UBE2G2: variants seen among roughly 807,000 people sequenced by gnomAD.
The protein encoded by UBE2G2 is ubiquitin-conjugating enzyme E2 G2.
A neutral mutation model predicts 23.0 loss-of-function variants in UBE2G2; 10 were observed. The ratio of observed to expected loss-of-function variants is 0.43; its 90% CI spans 0.27 to 0.74. The LOEUF (loss-of-function observed/expected upper bound fraction) is 0.74, where lower values mean the gene tolerates loss of function less well. Ranked by LOEUF, UBE2G2 falls within the 30% of genes least tolerant of loss-of-function variation. The probability of loss-of-function intolerance (pLI) is 0.19; values close to 1 mark genes in which losing one functional copy is unlikely to be tolerated. For missense variants in UBE2G2, 150 were observed against 218.3 expected (o/e 0.69, Z 1.97); for synonymous variants, 86 against 81.3 (o/e 1.06, Z -0.31).
At chr21:44,773,479 CG>C (rs2056649482) in intron 5 of UBE2G2, 67 bp downstream of exon 5, 2 of 1,533,074 alleles carry the variant, frequency 1.3e-6, no homozygotes, top group African/African-American at 2.7e-5. Flanking sequence ...GACAGGATGA[CG>C]CAAGGCTGGA....
intron 3 of UBE2G2, among the ~76,000 whole-genome samples, chr21:44,777,765 G>T (rs2294158): frequency 6.6e-6 from 1 of 151,926 alleles, no homozygotes; most frequent in Non-Finnish European, 1.5e-5. Context: ...CCAAGATCTC[G>T]CCACCGCACT....
intron 3 of UBE2G2, among the ~76,000 whole-genome samples, chr21:44,785,196 C>T (rs2082985923): frequency 6.6e-6 from 1 of 152,200 alleles, no homozygotes; most frequent in African/African-American, 2.4e-5. Context: ...GCAGGCCATG[C>T]TAGCACCCAC....
chr21:44,780,616 T>C (rs118000716), intron 3 of UBE2G2, among the ~76,000 whole-genome samples: 3,436 of 152,304 alleles, frequency 0.023, 61 homozygotes, highest in Non-Finnish European at 0.036. Flanking sequence ...GGAGGCACGC[T>C]TGCAACAGCT....
rs1162302167 is a variant in UBE2G2 at position 44,773,575 on chromosome 21, G to T, written c.357C>A (p.Ile119=). The T allele has an allele frequency of 6.2e-7, 1 of 1,610,658 alleles. No homozygotes were observed. The highest frequency in any genetic ancestry group is 8.5e-7 in the Non-Finnish European group (1 of 1,179,916). The stretch of plus-strand genomic sequence containing the variant: ...CCAGCATGCTCACCACCGACAGCAG[G>T]ATCTTCTCCACACTCTGCACAGGAC... The part of the protein sequence containing the change: ...RWSPVQSVEK[I]LLSVVSMLAE... The change falls in exon 5 of 6, where the codon ATC becomes ATA. Residue 119 remains isoleucine, a synonymous_variant. Transcript: ENST00000345496.
chr21:44,781,332 C>T (rs2082954476), intron 3 of UBE2G2, among the ~76,000 whole-genome samples: 2 of 152,284 alleles, frequency 1.3e-5, no homozygotes, highest in East Asian at 3.9e-4. Flanking sequence ...CATGAGGGCT[C>T]CCGGCATCTG....
chr21:44,773,736 C>G, intron 4 of UBE2G2, 49 bp from the exon 5 acceptor site: 1 of 1,592,572 alleles, frequency 6.3e-7, no homozygotes, highest in South Asian at 1.1e-5. Flanking sequence ...GTGCCCGAGG[C>G]ATCGCCGCGC....
At chr21:44,778,062 T>C (rs1402920409) in intron 3 of UBE2G2, among the ~76,000 whole-genome samples, 9 of 152,180 alleles carry the variant, frequency 5.9e-5, no homozygotes, top group Non-Finnish European at 1.5e-5. Context: ...TGCTCTAAGA[T>C]CTGGGAGTTT....
rs1424371828 is a variant in UBE2G2 at position 44,770,124 on chromosome 21, C to T, written c.*1253G>A. The T allele has an allele frequency of 6.6e-6, 1 of 152,234 alleles. No homozygotes were observed. Among genetic ancestry groups the T allele is most frequent in the African/African-American group, 2.4e-5 (1 of 41,452 alleles). 9.4% of individuals were successfully genotyped at this position (152,234 alleles called of 1,614,324 possible). A position where few individuals can be genotyped will look rare whatever the true frequency, so the allele number is the denominator to read the frequency against. On this transcript the variant is annotated 3_prime_UTR_variant, in exon 6 of 6. Transcript: ENST00000345496. ...CCCAGTCAAGTGTGGGGATAAGGCA[C>T]TCCTCTGTGCTCTGAGCTAAGATAT... is the stretch of plus-strand genomic sequence containing the variant.
intron 3 of UBE2G2, among the ~76,000 whole-genome samples, chr21:44,784,574 G>A (rs566243682): frequency 6.6e-6 from 1 of 152,228 alleles, no homozygotes; most frequent in Admixed American, 6.5e-5. Flanking sequence ...ATACTGCCAA[G>A]AGATGCCCTG....
chr21:44,801,769 G>C lies in UBE2G2; in HGVS notation c.-21C>G, dbSNP rs1171128812. The C allele has an allele frequency of 4.6e-6, 7 of 1,512,520 alleles. No individual in the cohort carries two copies. The highest frequency in any genetic ancestry group is 1.7e-4 in the Middle Eastern group (1 of 5,786). The allele number at this position is 1,512,520 out of a possible 1,614,324, so 93.7% of individuals were successfully genotyped here. Reference sequence around the variant, plus strand: ...GCCATGGCCCCGCAACAGCTGCGCCGAGCGACCTCGCCTCAGCCGCGCGCG... The same window carrying C: ...GCCATGGCCCCGCAACAGCTGCGCCCAGCGACCTCGCCTCAGCCGCGCGCG... On this transcript the variant is annotated 5_prime_UTR_variant, in exon 1 of 6. Coordinates refer to ENST00000345496, the MANE Select transcript of UBE2G2 (RefSeq NM_003343.6).
At chr21:44,787,755 G>A (rs897576167) in intron 3 of UBE2G2, among the ~76,000 whole-genome samples, 165 bp downstream of exon 3, 6 of 152,192 alleles carry the variant, frequency 3.9e-5, no homozygotes, top group Admixed American at 3.9e-4. Flanking sequence ...TCAATGCTCA[G>A]GTTCTCTGCT....
At chr21:44,773,435 A>C in intron 5 of UBE2G2, 112 bp downstream of exon 5, 1 of 1,370,012 alleles carries the variant, frequency 7.3e-7, no homozygotes, top group Non-Finnish European at 9.7e-7. Context: ...AGCATGTGTA[A>C]ACTAACTGCA....
chr21:44,800,184 A>T (rs2083123863), intron 1 of UBE2G2: 1 of 150,250 alleles, frequency 6.7e-6, no homozygotes, highest in Admixed American at 6.6e-5. Flanking sequence ...TGCTTGTAAA[A>T]AACTTGTAAA....
intron 5 of UBE2G2, among the ~76,000 whole-genome samples, chr21:44,773,113 G>C (rs1290618232): frequency 1.3e-5 from 2 of 152,036 alleles, no homozygotes; most frequent in African/African-American, 4.8e-5. Context: ...GCCCCACCAG[G>C]AAGTGGCCCG....
At chr21:44,790,653 C>T (rs2083036111) in intron 1 of UBE2G2, among the ~76,000 whole-genome samples, 1 of 152,200 alleles carries the variant, frequency 6.6e-6, no homozygotes, top group Non-Finnish European at 1.5e-5. Flanking sequence ...AAGGTGCTTG[C>T]TTCCCCTTCG....
At chr21:44,777,634 C>T (rs1555960767) in intron 3 of UBE2G2, among the ~76,000 whole-genome samples, 1 of 151,552 alleles carries the variant, frequency 6.6e-6, no homozygotes, top group Non-Finnish European at 1.5e-5. Context: ...ATGGTGAAAC[C>T]CTGTCTCTAC....
intron 3 of UBE2G2, among the ~76,000 whole-genome samples, chr21:44,782,716 G>A (rs192095320): frequency 6.6e-6 from 1 of 152,316 alleles, no homozygotes; most frequent in Non-Finnish European, 1.5e-5. Context: ...AAATGGTGCT[G>A]AGACAACTGG....
At chr21:44,796,678 T>C (rs1013604935) in intron 1 of UBE2G2, among the ~76,000 whole-genome samples, 12 of 152,220 alleles carry the variant, frequency 7.9e-5, no homozygotes, top group Non-Finnish European at 1.2e-4. Context: ...CAATACTCAT[T>C]GATGATCTCA....
chr21:44,780,842 A>C (rs1485442598), intron 3 of UBE2G2, among the ~76,000 whole-genome samples: 1 of 152,036 alleles, frequency 6.6e-6, no homozygotes. Context: ...TCCACACTCA[A>C]CTCAAGGGAG....
Sources: gnomAD v4.1 joint callset for allele counts (sites outside exome capture counted in the v4.1 genomes callset) on GRCh38, gnomAD v4.1.1 for gene constraint, MANE v1.5 for transcripts, NCBI Gene and HGNC (gene_info 2026-07-23, HGNC 2026-07-21) for gene names.